The following RBMS1 variants were observed in gnomAD, a reference collection of about 807,000 sequenced individuals.
RBMS1 encodes the protein RNA-binding motif, single-stranded-interacting protein 1.
RBMS1 carries 17 observed loss-of-function variants against 62.3 expected under a neutral mutation model. That is an observed-to-expected ratio of 0.27 (90% CI 0.19 to 0.41). The LOEUF is 0.41. Ranked by LOEUF, RBMS1 falls within the 10% of genes least tolerant of loss-of-function variation. The pLI, the probability that RBMS1 is intolerant of heterozygous loss-of-function variation, is 1.00. For synonymous variants in RBMS1, 172 were observed against 170.0 expected, an observed-to-expected ratio of 1.01 and a Z score of -0.09; for missense variants, 334 against 504.5, an observed-to-expected ratio of 0.66 and a Z score of 3.24.
intron 1 of RBMS1, among the ~76,000 whole-genome samples, chr2:160,484,546 G>A (rs1685511030): frequency 6.6e-6 from 1 of 150,846 alleles, no homozygotes; most frequent in African/African-American, 2.4e-5. Context: ...GATTCTCAAG[G>A]AGGTCTAGGG....
intron 2 of RBMS1, among the ~76,000 whole-genome samples, chr2:160,353,293 T>C (rs1692618335): frequency 6.6e-6 from 1 of 152,140 alleles, no homozygotes; most frequent in Non-Finnish European, 1.5e-5. Flanking sequence ...CTCTTAAACA[T>C]GTCAGGAGAT....
chr2:160,350,750 T>C (rs1320572890), intron 2 of RBMS1, among the ~76,000 whole-genome samples: 1 of 152,178 alleles, frequency 6.6e-6, no homozygotes, highest in Non-Finnish European at 1.5e-5. Context: ...ATCCAGTCTA[T>C]CATTGTTGGA....
chr2:160,436,781 G>A (rs1170935612), intron 1 of RBMS1, among the ~76,000 whole-genome samples: 3 of 152,060 alleles, frequency 2.0e-5, no homozygotes, highest in Non-Finnish European at 2.9e-5. Flanking sequence ...CAGACAGAAA[G>A]CTCATCCCTG....
At chr2:160,305,845 T>C (rs1356437120) in intron 4 of RBMS1, among the ~76,000 whole-genome samples, 1 of 151,978 alleles carries the variant, frequency 6.6e-6, no homozygotes, top group Non-Finnish European at 1.5e-5. Context: ...GAAACACATA[T>C]CAAAATATTG....
At chr2:160,341,420 A>G (rs2105994770) in intron 2 of RBMS1, among the ~76,000 whole-genome samples, 1 of 152,224 alleles carries the variant, frequency 6.6e-6, no homozygotes, top group African/African-American at 2.4e-5. Context: ...GAGAGCCCTG[A>G]GTCCCGGCAC....
intron 7 of RBMS1, 35 bp downstream of exon 7, chr2:160,286,934 T>G: frequency 1.3e-6 from 2 of 1,514,178 alleles, no homozygotes; most frequent in Non-Finnish European, 9.0e-7. Context: ...TCACACCCCC[T>G]CCCCCACCCC....
chr2:160,286,156 C>T (rs1688378150), intron 7 of RBMS1, among the ~76,000 whole-genome samples: 1 of 151,608 alleles, frequency 6.6e-6, no homozygotes. Context: ...AAAAATTAGC[C>T]AGGAGTGGTG....
intron 1 of RBMS1, among the ~76,000 whole-genome samples, chr2:160,391,355 C>T (rs1023855113): frequency 9.9e-5 from 15 of 151,648 alleles, no homozygotes; most frequent in African/African-American, 3.2e-4. Context: ...ATGGATCCTT[C>T]CCTGGCACCT....
rs538075314 is a variant in RBMS1, at chr2:160,484,078, A to G, written c.75+9211T>C. Among the ~76,000 whole-genome samples the G allele has an allele frequency of 7.3e-5, 11 of 150,612 alleles. No individual in the cohort carries two copies. The East Asian group carries it at 2.2e-3, about 30-fold the overall frequency. On this transcript the variant is annotated intron_variant, in intron 1 of 13. Transcript: ENST00000348849. ...GGTCTGGAACTCTTGGCTTCAAGCAATCCTCCCCCATCGGCCTCCCAAAGT... is the reference window on the plus strand; with the variant it reads ...GGTCTGGAACTCTTGGCTTCAAGCAGTCCTCCCCCATCGGCCTCCCAAAGT...
chr2:160,420,131 T>C (rs1696364608), intron 1 of RBMS1, among the ~76,000 whole-genome samples: 2 of 152,176 alleles, frequency 1.3e-5, no homozygotes, highest in African/African-American at 4.8e-5. Flanking sequence ...AATTTTTTTC[T>C]GGCCTCTTTG....
At chr2:160,342,145 T>C (rs901806517) in intron 2 of RBMS1, among the ~76,000 whole-genome samples, 1 of 152,186 alleles carries the variant, frequency 6.6e-6, no homozygotes. Context: ...AAAATCATCT[T>C]CTGAGAAGCA....
At chr2:160,277,446 G>C (rs1687896879) in intron 11 of RBMS1, 63 bp from the exon 12 acceptor site, 3 of 1,278,532 alleles carry the variant, frequency 2.3e-6, no homozygotes, top group African/African-American at 1.5e-5. Flanking sequence ...GAGTACGTGG[G>C]GGGATTGTGA....
intron 1 of RBMS1, among the ~76,000 whole-genome samples, chr2:160,385,287 A>C (rs1001128141): frequency 2.6e-5 from 4 of 152,348 alleles, no homozygotes; most frequent in Middle Eastern, 3.4e-3. Context: ...CCTTAAAATC[A>C]GCCTATACAT....
intron 9 of RBMS1, chr2:160,284,047 A>C (rs1227207008): frequency 6.6e-6 from 1 of 152,126 alleles, no homozygotes; most frequent in Non-Finnish European, 1.5e-5. Context: ...CATGTCTGCA[A>C]CTGAACTCCA....
intron 2 of RBMS1, among the ~76,000 whole-genome samples, chr2:160,357,573 G>A (rs998533723): frequency 3.3e-5 from 5 of 152,096 alleles, no homozygotes; most frequent in Admixed American, 2.0e-4. Context: ...AACAACTCAG[G>A]ATGACATTAA....
At chr2:160,493,087 A>C in intron 1 of RBMS1, 2 of 543,804 alleles carry the variant, frequency 3.7e-6, no homozygotes, top group Non-Finnish European at 6.4e-6. Context: ...CTGTAACCCG[A>C]TCCCCGCACT....
At chr2:160,280,491 C>G (rs938185396) in intron 10 of RBMS1, among the ~76,000 whole-genome samples, 2 of 152,080 alleles carry the variant, frequency 1.3e-5, no homozygotes, top group Non-Finnish European at 2.9e-5. Context: ...AAAAGGTATC[C>G]GAAGACAAAT....
chr2:160,404,801 A>C (rs886539367), intron 1 of RBMS1, among the ~76,000 whole-genome samples: 6 of 152,212 alleles, frequency 3.9e-5, no homozygotes, highest in African/African-American at 1.4e-4. Context: ...CTCCTAGCTC[A>C]CAAGTTCTCC....
intron 1 of RBMS1, among the ~76,000 whole-genome samples, chr2:160,457,808 G>A (rs1684302821): frequency 6.6e-6 from 1 of 152,060 alleles, no homozygotes; most frequent in Non-Finnish European, 1.5e-5. Context: ...CACACATCGT[G>A]TGACTTTCTC....
Sources: allele counts gnomAD v4.1 joint callset (sites outside exome capture counted in the v4.1 genomes callset), GRCh38; gene constraint gnomAD v4.1.1; transcripts MANE v1.5; gene names NCBI Gene and HGNC (gene_info 2026-07-23, HGNC 2026-07-21).